The following JMY variants were observed in gnomAD, a reference collection of about 807,000 sequenced individuals.
JMY encodes the protein junction-mediating and -regulatory protein.
In JMY, 46 loss-of-function variants were observed where a neutral mutation model predicts 103.3. That is an observed-to-expected ratio of 0.45 (90% CI 0.35 to 0.57). JMY has a LOEUF of 0.57. Ranked by LOEUF, JMY falls within the 20% of genes least tolerant of loss-of-function variation. The pLI is 0.00. For missense variants in JMY, 1,238 were observed against 1,255.2 expected, an observed-to-expected ratio of 0.99 and a Z score of 0.21; for synonymous variants, 526 against 489.3, an observed-to-expected ratio of 1.07 and a Z score of -0.99.
intron 1 of JMY, among the ~76,000 whole-genome samples, chr5:79,245,613 G>A (rs1580326139): frequency 6.6e-6 from 1 of 152,054 alleles, no homozygotes; most frequent in South Asian, 2.1e-4. Context: ...CAAGGGTTGG[G>A]ACCTGAGCAA....
chr5:79,237,499 C>G lies in JMY; in HGVS notation c.849C>G (p.Asp283Glu), dbSNP rs781708366. 2.5e-6 allele frequency: 4 copies of G among 1,613,784 alleles called. No homozygotes were observed. In the South Asian group the frequency reaches 4.4e-5, roughly 18 times the overall value. ...CCGAGATGACCGAGCAGGAAATCGA[C>G]ACTCTGTGTTACCAGCTCCAGGTCT... The part of the protein sequence containing the change: ...GAPEMTEQEI[D>E]TLCYQLQVYL... Residue 283 changes from aspartate (D) to glutamate (E), a missense_variant, in exon 1 of 11, where the codon GAC (aspartate) becomes GAG (glutamate). Asp to Glu is a conservative substitution (Grantham distance 45). Coordinates refer to ENST00000396137, the MANE Select transcript of JMY (RefSeq NM_152405.5).
chr5:79,267,754 A>ATG (rs1745626889), intron 1 of JMY, among the ~76,000 whole-genome samples: 1 of 152,110 alleles, frequency 6.6e-6, no homozygotes, highest in Non-Finnish European at 1.5e-5. Context: ...CATTGTATGG[A>ATG]TGTACTACAA....
chr5:79,252,539 C>G (rs1745120022), intron 1 of JMY, among the ~76,000 whole-genome samples: 1 of 152,108 alleles, frequency 6.6e-6, no homozygotes, highest in Non-Finnish European at 1.5e-5. Context: ...TCTGGAAGAT[C>G]TGTCCTGCGC....
intron 1 of JMY, among the ~76,000 whole-genome samples, chr5:79,262,336 G>A (rs949195146): frequency 1.3e-4 from 19 of 151,942 alleles, no homozygotes; most frequent in African/African-American, 4.6e-4. Context: ...ATTATTTATA[G>A]TACCTTACAC....
chr5:79,253,650 T>C (rs1242292794), intron 1 of JMY, among the ~76,000 whole-genome samples: 1 of 152,192 alleles, frequency 6.6e-6, no homozygotes, highest in Non-Finnish European at 1.5e-5. Context: ...TACAGTGTTA[T>C]AATCTGTTTT....
Position 79,314,320 on chromosome 5 carries a change from G to C in JMY, c.2128G>C (p.Gly710Arg). 1 of 1,614,182 alleles carries C rather than the reference G, an allele frequency of 6.2e-7. No homozygotes were observed. Residue 710 changes from glycine to arginine, a missense_variant, in exon 9 of 11, where the codon GGT becomes CGT. Physicochemically the swap from Gly to Arg is moderately radical, Grantham distance 125 (BLOSUM62 -2). Coordinates refer to ENST00000396137, the MANE Select transcript of JMY (RefSeq NM_152405.5). ...RLRLAHARRK[G>R]AASPVLQEDH... Reference sequence around the variant, plus strand: ...ACGACTAGCTCATGCAAGAAGAAAAGGTGCAGCAAGTCCTGTTCTCCAAGA... The same window carrying C: ...ACGACTAGCTCATGCAAGAAGAAAACGTGCAGCAAGTCCTGTTCTCCAAGA...
At chr5:79,310,345 G>C (rs2112115861) in intron 7 of JMY, among the ~76,000 whole-genome samples, 1 of 152,222 alleles carries the variant, frequency 6.6e-6, no homozygotes, top group Admixed American at 6.5e-5. Flanking sequence ...ACAGGTGTGA[G>C]CCACCACTCC....
At chr5:79,288,184 G>C (rs1271485742) in intron 2 of JMY, among the ~76,000 whole-genome samples, 2 of 152,148 alleles carry the variant, frequency 1.3e-5, no homozygotes, top group Non-Finnish European at 2.9e-5. Flanking sequence ...TGTCTTTTAA[G>C]ACAACCTCAT....
At position 79,326,529 on chromosome 5, in the gene JMY, T is replaced by TTTTAAC. The variant is rs984987301; in HGVS notation, c.*4929_*4930insTAACTT. The TTTTAAC allele has an allele frequency of 2.5e-5, 3 of 122,206 alleles. No homozygotes were observed. The highest frequency in any genetic ancestry group is 1.8e-4 in the African/African-American group (3 of 16,916). The allele number at this position is 122,206 out of a possible 1,614,324, so 7.6% of individuals were successfully genotyped here. On this transcript the variant is annotated 3_prime_UTR_variant, in exon 11 of 11. Transcript: ENST00000396137. Reference sequence around the variant, plus strand: ...TACCCATACAGTGACTTCTGAGTTCTTTAACTTTGACAGAATCTCCATTGT... The same window carrying TTTTAAC: ...TACCCATACAGTGACTTCTGAGTTCTTTTAACTTAACTTTGACAGAATCTCCATTGT...
chr5:79,323,904 A>C lies in JMY; in HGVS notation c.*2302A>C, dbSNP rs1186919131. 1.3e-5 allele frequency: 2 copies of C among 152,182 alleles called. No individual in the cohort carries two copies. The highest frequency in any genetic ancestry group is 1.9e-4 in the East Asian group (1 of 5,194). The allele number at this position is 152,182 out of a possible 1,614,324, so 9.4% of individuals were successfully genotyped here. A position where few individuals can be genotyped will look rare whatever the true frequency, so the allele number is the denominator to read the frequency against. On this transcript the variant is annotated 3_prime_UTR_variant, in exon 11 of 11. Transcript: ENST00000396137. ...CAAGTCTCTCAACCCATCCTGTTAC[A>C]GTTCTCCATGAGAGTCACCTCACAC...
intron 10 of JMY, among the ~76,000 whole-genome samples, chr5:79,319,323 A>C (rs932111722): frequency 1.3e-5 from 2 of 152,148 alleles, no homozygotes; most frequent in Non-Finnish European, 2.9e-5. Context: ...TACAATGTTG[A>C]GAGAGAAACA....
chr5:79,311,116 A>AT (rs1747034562), intron 7 of JMY, among the ~76,000 whole-genome samples: 1 of 148,308 alleles, frequency 6.7e-6, no homozygotes, highest in South Asian at 2.1e-4. Context: ...ACTAGATTGC[A>AT]TTTTATTCAG....
intron 2 of JMY, among the ~76,000 whole-genome samples, chr5:79,280,474 T>C (rs2112087815): frequency 6.6e-6 from 1 of 152,338 alleles, no homozygotes; most frequent in East Asian, 1.9e-4. Context: ...ATTTTGAAAA[T>C]TTGTGTCTTT....
rs751854011 is a variant in JMY, at chr5:79,316,332, AGTAG to A, written c.*3+23_*3+26del. 1.3e-3 allele frequency: 2,032 copies of A among 1,530,260 alleles called. 1 individual carries two copies. The highest frequency in any genetic ancestry group is 3.3e-3 in the Admixed American group (168 of 51,542). 94.8% of individuals were successfully genotyped at this position (1,530,260 alleles called of 1,614,324 possible). On this transcript the variant is annotated intron_variant, in intron 10 of 10. Transcript: ENST00000396137. Reference sequence around the variant, plus strand: ...ACAAGTAAACGGCCTTATTGTCTTTAGTAGCATTCAGTAATACAGGTTTTATATC... The same window carrying A: ...ACAAGTAAACGGCCTTATTGTCTTTACATTCAGTAATACAGGTTTTATATC...
At position 79,290,077 on chromosome 5, in the gene JMY, A is replaced by G. The variant is rs1304411990; in HGVS notation, c.1207-44A>G. ...CTTTAAATGTTTGAGGAATGAGTAG[A>G]AGAAAGACTTGAACTTCTTAATTTT... On this transcript the variant is annotated intron_variant, in intron 2 of 10. Transcript: ENST00000396137. 7 of 1,450,978 alleles carry G rather than the reference A, an allele frequency of 4.8e-6. No homozygotes were observed. The East Asian group carries it at 1.6e-4, about 34-fold the overall frequency. 89.9% of individuals were successfully genotyped at this position (1,450,978 alleles called of 1,614,324 possible). A position where few individuals can be genotyped will look rare whatever the true frequency, so the allele number is the denominator to read the frequency against.
rs1373801365 is a variant in JMY, at chr5:79,291,393, G to A, written c.1527+94G>A. On this transcript the variant is annotated intron_variant, in intron 4 of 10. Transcript: ENST00000396137. Reference sequence around the variant, plus strand: ...ACATTTTTTTGATTCGATAGGCAGTGATTTTATGCCATCTTCATGAGATGA... The same window carrying A: ...ACATTTTTTTGATTCGATAGGCAGTAATTTTATGCCATCTTCATGAGATGA... 2.1e-4 allele frequency: 219 copies of A among 1,034,720 alleles called. 2 individuals are homozygous for A. In the East Asian group the frequency reaches 5.7e-3, roughly 27 times the overall value. 64.1% of individuals were successfully genotyped at this position (1,034,720 alleles called of 1,614,324 possible). A position where few individuals can be genotyped will look rare whatever the true frequency, so the allele number is the denominator to read the frequency against.
In JMY at chr5:79,237,051, A is replaced by G. The variant is rs767241884; in HGVS notation, c.401A>G (p.Lys134Arg). 1.7e-4 allele frequency: 264 copies of G among 1,524,372 alleles called. No individual in the cohort carries two copies. The highest frequency in any genetic ancestry group is 2.0e-4 in the Non-Finnish European group (232 of 1,131,792). 94.4% of individuals were successfully genotyped at this position (1,524,372 alleles called of 1,614,324 possible). The change falls in exon 1 of 11, where the codon AAA becomes AGA. Residue 134 changes from lysine (K) to arginine (R), a missense_variant. Physicochemically the swap from Lys to Arg is conservative, Grantham distance 26 (BLOSUM62 2). Transcript: ENST00000396137. ...GDPRLRSPGS[K>R]GAESRLRSPV... is the part of the protein sequence containing the mutation. Reference sequence around the variant, plus strand: ...CCGCGGCTGCGGAGTCCTGGCAGCAAAGGGGCGGAGAGTCGTCTTAGGAGC... The same window carrying G: ...CCGCGGCTGCGGAGTCCTGGCAGCAGAGGGGCGGAGAGTCGTCTTAGGAGC...
At position 79,326,317 on chromosome 5, in the gene JMY, TCA is replaced by T. The variant is rs1747644551; in HGVS notation, c.*4716_*4717del. On this transcript the variant is annotated 3_prime_UTR_variant, in exon 11 of 11. Coordinates refer to ENST00000396137, the MANE Select transcript of JMY (RefSeq NM_152405.5). The stretch of plus-strand genomic sequence containing the variant: ...AAGGTATGGATGTTGGTTACAGAGT[TCA>T]GTTTTAACAAGGGAAATTTGGGGAT... The T allele has an allele frequency of 1.4e-5, 2 of 146,350 alleles. No homozygotes were observed. The highest frequency in any genetic ancestry group is 2.6e-5 in the African/African-American group (1 of 38,238). The allele number at this position is 146,350 out of a possible 1,614,324, so 9.1% of individuals were successfully genotyped here.
At chr5:79,293,916 A>G (rs1746495641) in intron 4 of JMY, among the ~76,000 whole-genome samples, 1 of 152,162 alleles carries the variant, frequency 6.6e-6, no homozygotes, top group South Asian at 2.1e-4. Context: ...TTTCAGTTCT[A>G]TATTGTTAAT....
Sources: gnomAD v4.1 joint callset for allele counts (sites outside exome capture counted in the v4.1 genomes callset) on GRCh38, gnomAD v4.1.1 for gene constraint, MANE v1.5 for transcripts, NCBI Gene and HGNC (gene_info 2026-07-23, HGNC 2026-07-21) for gene names.